Variants in CCDC106 observed in about 807,000 individuals in gnomAD.
CCDC106 encodes coiled-coil domain containing 106.
A neutral mutation model predicts 24.7 loss-of-function variants in CCDC106; 17 were observed. The ratio of observed to expected loss-of-function variants is 0.69; its 90% CI spans 0.47 to 1.03. The LOEUF (loss-of-function observed/expected upper bound fraction) is 1.03, where lower values mean the gene tolerates loss of function less well. CCDC106 is among the 50% of genes least tolerant of loss of function. CCDC106 has a pLI of 0.00. For missense variants in CCDC106, 337 were observed against 388.9 expected, an observed-to-expected ratio of 0.87 and a Z score of 1.12; for synonymous variants, 211 against 161.3, an observed-to-expected ratio of 1.31 and a Z score of -2.34.
chr19:55,652,177 C>T lies in CCDC106; in HGVS notation c.527-253C>T, dbSNP rs1026185770. ...GGACCGCGTGGGTTGAACCCGGCCT[C>T]TTGGCTCATTTTGTCTCCTCACTCT... On this transcript the variant is annotated intron_variant, in intron 4 of 4. Coordinates refer to ENST00000586790, the MANE Select transcript of CCDC106 (RefSeq NM_001370470.1). This position sits in a 1 kb window ranked among gnomAD's most constrained non-coding sequence, Gnocchi z 5.9. 6.6e-6 allele frequency among the ~76,000 whole-genome samples: 1 copy of T among 151,970 alleles called. No homozygotes were observed. Among genetic ancestry groups the T allele is most frequent in the African/African-American group, 2.4e-5 (1 of 41,366 alleles).
Position 55,648,637 on chromosome 19 carries a change from C to T in CCDC106, c.-410C>T, listed in dbSNP as rs925740362. The T allele has an allele frequency of 2.8e-5, 7 of 247,156 alleles. No individual in the cohort carries two copies. The highest frequency in any genetic ancestry group is 1.4e-4 in the African/African-American group (6 of 44,260). The allele number at this position is 247,156 out of a possible 1,614,324, so 15.3% of individuals were successfully genotyped here. The stretch of plus-strand genomic sequence containing the variant: ...CCCCTGCACCTGCCTCTTCCTTAGG[C>T]CTGGCAGTGGCCCGCGATGAGAGAG... On this transcript the variant is annotated 5_prime_UTR_variant, in exon 1 of 5. Transcript: ENST00000586790.
At position 55,651,504 on chromosome 19, in the gene CCDC106, G is replaced by A. The variant is rs1983273366; in HGVS notation, c.526+9G>A. The stretch of plus-strand genomic sequence containing the variant: ...CCGGGAGAGGCAGCGAGGTGAGTGG[G>A]GTGCATGGGGCGGGCGCTGAGGGGC... On this transcript the variant is annotated intron_variant, in intron 4 of 4. Coordinates refer to ENST00000586790, the MANE Select transcript of CCDC106 (RefSeq NM_001370470.1). The A allele has an allele frequency of 6.5e-7, 1 of 1,541,608 alleles. No individual in the cohort carries two copies. The highest frequency in any genetic ancestry group is 8.8e-7 in the Non-Finnish European group (1 of 1,141,934).
intron 3 of CCDC106, 29 bp downstream of exon 3, chr19:55,649,613 C>T: frequency 6.3e-7 from 1 of 1,597,584 alleles, no homozygotes; most frequent in Non-Finnish European, 8.6e-7. Flanking sequence ...GATCCACATG[C>T]CTCCCTGTCC....
At chr19:55,651,674 G>T (rs1983290450) in intron 4 of CCDC106, among the ~76,000 whole-genome samples, 179 bp downstream of exon 4, 2 of 150,124 alleles carry the variant, frequency 1.3e-5, no homozygotes, top group South Asian at 4.2e-4. Flanking sequence ...TTTTTTTTTG[G>T]CGGGGGGGAC....
chr19:55,649,026 G>C lies in CCDC106; in HGVS notation c.-21G>C. 6.2e-7 allele frequency: 1 copy of C among 1,612,566 alleles called. No homozygotes were observed. The highest frequency in any genetic ancestry group is 8.5e-7 in the Non-Finnish European group (1 of 1,179,864). ...GTGCCCCTGAGGCCCTCGGCTGCTG[G>C]GGTCCGTAGGAAGCCGCGCCATGAA... On this transcript the variant is annotated 5_prime_UTR_variant, in exon 1 of 5. Coordinates refer to ENST00000586790, the MANE Select transcript of CCDC106 (RefSeq NM_001370470.1).
Position 55,652,981 on chromosome 19 carries a change from T to A in CCDC106, c.*235T>A. On this transcript the variant is annotated 3_prime_UTR_variant, in exon 5 of 5. Coordinates refer to ENST00000586790, the MANE Select transcript of CCDC106 (RefSeq NM_001370470.1). This position sits in a 1 kb window ranked among gnomAD's most constrained non-coding sequence, Gnocchi z 5.9. ...CTGTCCTCGCCGGGCCCCTTCCTCCTGGAAAACCAGGCAGGCGGGTGCCCC... is the reference window on the plus strand; with the variant it reads ...CTGTCCTCGCCGGGCCCCTTCCTCCAGGAAAACCAGGCAGGCGGGTGCCCC... 4.1e-6 allele frequency: 2 copies of A among 490,524 alleles called. No individual in the cohort carries two copies. Among genetic ancestry groups the A allele is most frequent in the East Asian group, 3.6e-5 (1 of 27,456 alleles). The allele number at this position is 490,524 out of a possible 1,614,324, so 30.4% of individuals were successfully genotyped here.
chr19:55,652,024 C>G lies in CCDC106; in HGVS notation c.527-406C>G, dbSNP rs746410872. ...AGGGCAGGGCCACCTTGGGCACCTC[C>G]TTAACTTTCATCAGTAAGGAGGAGG... On this transcript the variant is annotated intron_variant, in intron 4 of 4. Coordinates refer to ENST00000586790, the MANE Select transcript of CCDC106 (RefSeq NM_001370470.1). The surrounding 1 kb of genome is among the most constrained non-coding windows in gnomAD (Gnocchi z 5.9). Among the ~76,000 whole-genome samples, 75 of 152,226 alleles carry G rather than the reference C, an allele frequency of 4.9e-4. No homozygotes were observed. The highest frequency in any genetic ancestry group is 7.8e-4 in the Non-Finnish European group (53 of 68,002).
rs1042955873 is a variant in CCDC106 at position 55,648,258 on chromosome 19, G to A, written c.-789G>A. 9.9e-5 allele frequency: 15 copies of A among 152,118 alleles called. No individual in the cohort carries two copies. The highest frequency in any genetic ancestry group is 3.6e-4 in the African/African-American group (15 of 41,448). The allele number at this position is 152,118 out of a possible 1,614,324, so 9.4% of individuals were successfully genotyped here. ...ATGGGCGCCGCCGCCGTCGGTCCCC[G>A]AGCCGGATTCCGCGAGCGGGTGGGT... On this transcript the variant is annotated 5_prime_UTR_variant, in exon 1 of 5. Coordinates refer to ENST00000586790, the MANE Select transcript of CCDC106 (RefSeq NM_001370470.1).
upstream of CCDC106, chr19:55,647,990 T>C (rs1982966937): frequency 6.6e-6 from 1 of 151,976 alleles, no homozygotes. Context: ...GGGGGAGTGC[T>C]GTAAGGGGCT....
intron 3 of CCDC106, among the ~76,000 whole-genome samples, chr19:55,650,537 T>TC (rs759850760): frequency 2.0e-5 from 3 of 152,122 alleles, no homozygotes; most frequent in Admixed American, 6.5e-5. Flanking sequence ...TTCAACCCTT[T>TC]CCCCAAAAAT....
In CCDC106 at chr19:55,652,158, C is replaced by T. The variant is rs1339678315; in HGVS notation, c.527-272C>T. Among the ~76,000 whole-genome samples the T allele has an allele frequency of 4.6e-5, 7 of 151,922 alleles. No individual in the cohort carries two copies. The highest frequency in any genetic ancestry group is 6.6e-5 in the Admixed American group (1 of 15,262). ...GGGGTGTCGGGGGGTGCTGGGACCG[C>T]GTGGGTTGAACCCGGCCTCTTGGCT... is the stretch of plus-strand genomic sequence containing the variant. On this transcript the variant is annotated intron_variant, in intron 4 of 4. Coordinates refer to ENST00000586790, the MANE Select transcript of CCDC106 (RefSeq NM_001370470.1). This position sits in a 1 kb window ranked among gnomAD's most constrained non-coding sequence, Gnocchi z 5.9.
chr19:55,649,344 C>A, intron 2 of CCDC106, 35 bp downstream of exon 2: 2 of 1,612,452 alleles, frequency 1.2e-6, no homozygotes, highest in Non-Finnish European at 1.7e-6. Context: ...CTGGAGTCAG[C>A]TGGGAAGCCA....
rs1298213919 is a variant in CCDC106, at chr19:55,649,479, G to A, written c.208G>A (p.Glu70Lys). The change falls in exon 3 of 5, where the codon GAG (glutamate) becomes AAG (lysine). Residue 70 changes from glutamate (E) to lysine (K), a missense_variant. By Grantham distance (56) the Glu-to-Lys change is moderately conservative. This residue lies in a region of CCDC106 where 234 missense variants were observed against 236.5 expected (regional missense o/e 0.99). Transcript: ENST00000586790. Reference protein sequence around the residue: ...SVKTQLHMALERNSWLQKRIE... With the variant: ...SVKTQLHMALKRNSWLQKRIE... ...CAAGACCCAGCTGCACATGGCTCTG[G>A]AGAGGAACTCCTGGCTGCAGAAGCG... 1 of 1,614,158 alleles carries A rather than the reference G, an allele frequency of 6.2e-7. No homozygotes were observed. The highest frequency in any genetic ancestry group is 8.5e-7 in the Non-Finnish European group (1 of 1,180,008).
rs994601323 is a variant in CCDC106, at chr19:55,652,302, C to G, written c.527-128C>G. On this transcript the variant is annotated intron_variant, in intron 4 of 4. Transcript: ENST00000586790. This position sits in a 1 kb window ranked among gnomAD's most constrained non-coding sequence, Gnocchi z 5.9. ...CTTCCTTGCCTGTTGTTCTCCGTCTCCACCTGCACCGGCCCGTGCCTCTGC... is the reference window on the plus strand; with the variant it reads ...CTTCCTTGCCTGTTGTTCTCCGTCTGCACCTGCACCGGCCCGTGCCTCTGC... 1.7e-5 allele frequency: 13 copies of G among 746,300 alleles called. No homozygotes were observed. Among genetic ancestry groups the G allele is most frequent in the African/African-American group, 5.3e-5 (3 of 56,358 alleles). The allele number at this position is 746,300 out of a possible 1,614,324, so 46.2% of individuals were successfully genotyped here. A position where few individuals can be genotyped will look rare whatever the true frequency, so the allele number is the denominator to read the frequency against.
At position 55,648,896 on chromosome 19, in the gene CCDC106, C is replaced by A; in HGVS notation, c.-151C>A. On this transcript the variant is annotated 5_prime_UTR_variant, in exon 1 of 5. Transcript: ENST00000586790. ...GGTCCAGGCTCCCTCCTCCCTCAGA[C>A]CAGGGGTCCAGGCCAGAAGGTCCCT... 1 of 786,956 alleles carries A rather than the reference C, an allele frequency of 1.3e-6. No individual in the cohort carries two copies. The highest frequency in any genetic ancestry group is 2.2e-6 in the Non-Finnish European group (1 of 461,308). The allele number at this position is 786,956 out of a possible 1,614,324, so 48.7% of individuals were successfully genotyped here.
At position 55,649,424 on chromosome 19, in the gene CCDC106, G is replaced by C. The variant is rs1307680256; in HGVS notation, c.153G>C (p.Ala51=). The change falls in exon 3 of 5, where the codon GCG becomes GCC. Residue 51 remains alanine, a synonymous_variant. Transcript: ENST00000586790. ...RRNFEEPPEA[A]SSALALMNSV... is the part of the protein sequence containing the mutation. ...TGTCCCTAGAGCCTCCGGAGGCTGC[G>C]TCCTCCGCCCTGGCTCTGATGAACA... 5.6e-6 allele frequency: 9 copies of C among 1,613,908 alleles called. No individual in the cohort carries two copies. The highest frequency in any genetic ancestry group is 7.6e-6 in the Non-Finnish European group (9 of 1,179,982).
intron 3 of CCDC106, 60 bp from the exon 4 acceptor site, chr19:55,651,223 C>T: frequency 1.5e-6 from 2 of 1,323,086 alleles, no homozygotes; most frequent in East Asian, 2.3e-5. Context: ...TCTCTCAGTC[C>T]CGGGACCTGT....
rs1188160100 is a variant in CCDC106, at chr19:55,652,606, G to A, written c.703G>A (p.Glu235Lys). The A allele has an allele frequency of 1.2e-6, 2 of 1,613,042 alleles. No individual in the cohort carries two copies. The highest frequency in any genetic ancestry group is 1.7e-6 in the Non-Finnish European group (2 of 1,179,906). Residue 235 changes from glutamate (E) to lysine (K), a missense_variant, in exon 5 of 5, where the codon GAG becomes AAG. Glu to Lys is a moderately conservative substitution (Grantham distance 56). Transcript: ENST00000586790. This position sits in a 1 kb window ranked among gnomAD's most constrained non-coding sequence, Gnocchi z 5.9. ...CCCCGAGAAGCTGGCCGAGGTGGGC[G>A]AGTTCGACCCCTCCAAGGAGCGCCT... is the stretch of plus-strand genomic sequence containing the variant. ...VAPEKLAEVG[E>K]FDPSKERLLE...
rs144532715 is a variant in CCDC106, at chr19:55,652,553, C to G, written c.650C>G (p.Thr217Arg). 6.2e-7 allele frequency: 1 copy of G among 1,613,488 alleles called. No individual in the cohort carries two copies. The highest frequency in any genetic ancestry group is 1.3e-5 in the African/African-American group (1 of 74,930). The part of the protein sequence containing the change: ...RVDRNTVALT[T>R]PIAELLIVAP... ...GACAGGAACACCGTGGCGCTGACCA[C>G]GCCCATCGCCGAGCTGCTCATTGTG... The change falls in exon 5 of 5, where the codon ACG (threonine) becomes AGG (arginine). Residue 217 changes from threonine to arginine, a missense_variant. Coordinates refer to ENST00000586790, the MANE Select transcript of CCDC106 (RefSeq NM_001370470.1). This position sits in a 1 kb window ranked among gnomAD's most constrained non-coding sequence, Gnocchi z 5.9.
Sources: gnomAD v4.1 joint callset for allele counts (sites outside exome capture counted in the v4.1 genomes callset) on GRCh38, gnomAD v4.1.1 for gene constraint, gnomAD v4.1.1 regional missense constraint, Gnocchi (gnomAD v3.1) non-coding constraint, MANE v1.5 for transcripts, NCBI Gene and HGNC (gene_info 2026-07-23, HGNC 2026-07-21) for gene names.